CEP41: variants seen among roughly 807,000 people sequenced by gnomAD.
The protein encoded by CEP41 is centrosomal protein 41.
Under a neutral mutation model 44.3 loss-of-function variants are expected in CEP41, and 32 were observed. The ratio of observed to expected loss-of-function variants is 0.72; its 90% CI spans 0.54 to 0.97. The LOEUF (loss-of-function observed/expected upper bound fraction) is 0.97. Among genes scored for constraint, CEP41 ranks in the 50% least tolerant of loss-of-function variants. The pLI is 0.00. For missense variants in CEP41, 432 were observed against 455.2 expected, an observed-to-expected ratio of 0.95 and a Z score of 0.46; for synonymous variants, 151 against 168.5, an observed-to-expected ratio of 0.90 and a Z score of 0.80.
chr7:130,426,961 A>G, intron 2 of CEP41: 1 of 172,206 alleles, frequency 5.8e-6, no homozygotes, highest in Admixed American at 5.9e-5. Flanking sequence ...TCTGTACGGC[A>G]TGGAAATGTC....
rs1796714849 is a variant in CEP41 at position 130,397,833 on chromosome 7, T to C, written c.*1058A>G. 2.2e-6 allele frequency: 1 copy of C among 446,824 alleles called. No homozygotes were observed. The highest frequency in any genetic ancestry group is 4.5e-6 in the Non-Finnish European group (1 of 220,878). The allele number at this position is 446,824 out of a possible 1,614,324, so 27.7% of individuals were successfully genotyped here. A position where few individuals can be genotyped will look rare whatever the true frequency, so the allele number is the denominator to read the frequency against. Reference sequence around the variant, plus strand: ...TTCAAAATTCCGGCCAAAACCAGAATCTATAATCACAACTTCCTAATCACA... The same window carrying C: ...TTCAAAATTCCGGCCAAAACCAGAACCTATAATCACAACTTCCTAATCACA... On this transcript the variant is annotated 3_prime_UTR_variant, in exon 11 of 11. Coordinates refer to ENST00000223208, the MANE Select transcript of CEP41 (RefSeq NM_018718.3).
intron 2 of CEP41, chr7:130,421,905 G>A (rs1377468617): frequency 5.6e-5 from 86 of 1,532,976 alleles, no homozygotes; most frequent in Middle Eastern, 1.7e-4. Flanking sequence ...AGAACCCTGC[G>A]GTGGTGACTG....
At position 130,411,183 on chromosome 7, in the gene CEP41, T is replaced by C. The variant is rs1344604526; in HGVS notation, c.216A>G (p.Gln72=). ...GTGTTTGATCAGAGAGGGAAGCAAC[T>C]TGGATGATCTGATAGAAAAAAGAAT... ...KVTTFAQLII[Q]VASLSDQTLE... is the part of the protein sequence containing the mutation. Residue 72 remains glutamine, a synonymous_variant, in exon 5 of 11, where the codon CAA becomes CAG. Transcript: ENST00000223208. 1 of 1,613,132 alleles carries C rather than the reference T, an allele frequency of 6.2e-7. No homozygotes were observed. Among genetic ancestry groups the C allele is most frequent in the Non-Finnish European group, 8.5e-7 (1 of 1,179,172 alleles).
chr7:130,421,049 T>C (rs1478502541), intron 2 of CEP41: 1 of 982,804 alleles, frequency 1.0e-6, no homozygotes, highest in Non-Finnish European at 1.2e-6. Context: ...CTTTGTTTAC[T>C]TACAACTAAA....
At chr7:130,414,693 TAGA>T (rs1357245316) in intron 3 of CEP41, among the ~76,000 whole-genome samples, 1 of 152,226 alleles carries the variant, frequency 6.6e-6, no homozygotes, top group Non-Finnish European at 1.5e-5. Context: ...GGTTCTGGTT[TAGA>T]AGGACAGCCG....
In CEP41 at chr7:130,401,889, G is replaced by C; in HGVS notation, c.634C>G (p.Leu212Val). ...AATGCAACAAAGGATACATATTCAA[G>C]AATATCATTTGAATAAGGGTTCATT... ...RTMNPYSNDI[L>V]EYKNAHGKII... The change falls in exon 8 of 11, where the codon CTT (leucine) becomes GTT (valine). Residue 212 changes from leucine to valine, a missense_variant. Coordinates refer to ENST00000223208, the MANE Select transcript of CEP41 (RefSeq NM_018718.3). 6.3e-7 allele frequency: 1 copy of C among 1,593,814 alleles called. No homozygotes were observed. The highest frequency in any genetic ancestry group is 2.2e-5 in the East Asian group (1 of 44,744).
Position 130,404,815 on chromosome 7 carries a change from T to C in CEP41, c.278-107A>G, listed in dbSNP as rs548392345. 4 of 957,824 alleles carry C rather than the reference T, an allele frequency of 4.2e-6. No individual in the cohort carries two copies. In the African/African-American group the frequency reaches 4.8e-5, roughly 12 times the overall value. 59.3% of individuals were successfully genotyped at this position (957,824 alleles called of 1,614,324 possible). A position where few individuals can be genotyped will look rare whatever the true frequency, so the allele number is the denominator to read the frequency against. On this transcript the variant is annotated intron_variant, in intron 5 of 10. Coordinates refer to ENST00000223208, the MANE Select transcript of CEP41 (RefSeq NM_018718.3). ...GAAAAGGAAATCTTATCATCATTAT[T>C]AAATTGTCGTGGAAGTGCTAACGTA...
chr7:130,410,485 T>C (rs1055005064), intron 5 of CEP41, among the ~76,000 whole-genome samples: 3 of 152,166 alleles, frequency 2.0e-5, no homozygotes, highest in Non-Finnish European at 4.4e-5. Flanking sequence ...TGGGCACACT[T>C]AGATTTGTAA....
intron 2 of CEP41, chr7:130,419,797 T>G (rs531739114): frequency 1.0e-6 from 1 of 985,400 alleles, no homozygotes; most frequent in Non-Finnish European, 1.2e-6. Context: ...ACGTATCACC[T>G]TGCCACATAC....
At chr7:130,415,305 T>C (rs566380342) in intron 3 of CEP41, among the ~76,000 whole-genome samples, 111 of 152,296 alleles carry the variant, frequency 7.3e-4, no homozygotes, top group African/African-American at 2.5e-3. Context: ...CAAGGGAATA[T>C]TCTCCTCCCT....
intron 3 of CEP41, among the ~76,000 whole-genome samples, chr7:130,412,596 G>C (rs1174739114): frequency 6.6e-6 from 1 of 152,122 alleles, no homozygotes; most frequent in African/African-American, 2.4e-5. Context: ...ATCCTTTTCA[G>C]AGTAAAGCAG....
At chr7:130,432,234 G>T (rs1206040548) in intron 1 of CEP41, among the ~76,000 whole-genome samples, 1 of 152,162 alleles carries the variant, frequency 6.6e-6, no homozygotes, top group Non-Finnish European at 1.5e-5. Context: ...GTGCTAAGAG[G>T]ATCTGTAGTC....
chr7:130,396,664 A>T lies in CEP41; in HGVS notation c.*2227T>A, dbSNP rs1473184426. 3 of 454,484 alleles carry T rather than the reference A, an allele frequency of 6.6e-6. No individual in the cohort carries two copies. In the Admixed American group the frequency reaches 7.0e-5, roughly 11 times the overall value. 28.2% of individuals were successfully genotyped at this position (454,484 alleles called of 1,614,324 possible). On this transcript the variant is annotated 3_prime_UTR_variant, in exon 11 of 11. Coordinates refer to ENST00000223208, the MANE Select transcript of CEP41 (RefSeq NM_018718.3). The stretch of plus-strand genomic sequence containing the variant: ...GAATGTTAAAAGCAATACCTCGAGC[A>T]CGTAAAGAATGTTTGATATTAACAC...
Position 130,397,746 on chromosome 7 carries a change from C to G in CEP41, c.*1145G>C, listed in dbSNP as rs183465584. The G allele has an allele frequency of 4.4e-6, 2 of 451,422 alleles. No homozygotes were observed. The highest frequency in any genetic ancestry group is 1.4e-4 in the East Asian group (2 of 14,330). 28.0% of individuals were successfully genotyped at this position (451,422 alleles called of 1,614,324 possible). A position where few individuals can be genotyped will look rare whatever the true frequency, so the allele number is the denominator to read the frequency against. On this transcript the variant is annotated 3_prime_UTR_variant, in exon 11 of 11. Transcript: ENST00000223208. ...CAGAGTTCCTCATCCTTACCTGAGG[C>G]CTTTTGTTCCCCCAATTAAATGGAA...
At chr7:130,404,300 T>C (rs1339730417) in intron 6 of CEP41, among the ~76,000 whole-genome samples, 1 of 152,128 alleles carries the variant, frequency 6.6e-6, no homozygotes, top group Non-Finnish European at 1.5e-5. Context: ...CAAACTTATA[T>C]GTAGGAGGGA....
intron 2 of CEP41, chr7:130,426,683 A>T (rs1554423601): frequency 2.2e-6 from 1 of 455,976 alleles, no homozygotes; most frequent in Non-Finnish European, 4.4e-6. Flanking sequence ...TAGGGGTTAG[A>T]TGGGTAGAGA....
chr7:130,409,066 T>G (rs192530351), intron 5 of CEP41, among the ~76,000 whole-genome samples: 1 of 152,350 alleles, frequency 6.6e-6, no homozygotes, highest in African/African-American at 2.4e-5. Flanking sequence ...TTTTTCTTCT[T>G]TATATACTTT....
chr7:130,424,141 A>G (rs1797591417), intron 2 of CEP41, among the ~76,000 whole-genome samples: 1 of 152,246 alleles, frequency 6.6e-6, no homozygotes. Context: ...TCATGCCTGT[A>G]ATTTCAGCAC....
At chr7:130,440,705 G>C (rs968673880) in intron 1 of CEP41, 9 of 613,524 alleles carry the variant, frequency 1.5e-5, no homozygotes, top group African/African-American at 3.7e-5. Context: ...GCAGTCACAA[G>C]TACTGGCGTG....
Sources: gnomAD v4.1 joint callset for allele counts (sites outside exome capture counted in the v4.1 genomes callset) on GRCh38, gnomAD v4.1.1 for gene constraint, MANE v1.5 for transcripts, NCBI Gene and HGNC (gene_info 2026-07-23, HGNC 2026-07-21) for gene names.